Variants in ESRRG observed in about 807,000 individuals in gnomAD.
The protein encoded by ESRRG is estrogen-related receptor gamma.
A neutral mutation model predicts 44.0 loss-of-function variants in ESRRG; 13 were observed. The observed-to-expected ratio is 0.30, with a 90% CI of 0.19 to 0.47. The LOEUF is 0.47. Ranked by LOEUF, ESRRG falls within the 20% of genes least tolerant of loss-of-function variation. The pLI is 1.00. For synonymous variants in ESRRG, 215 were observed against 214.6 expected (o/e 1.00, Z -0.02); for missense variants, 395 against 580.6 (o/e 0.68, Z 3.29).
intron 2 of ESRRG, among the ~76,000 whole-genome samples, chr1:216,778,740 C>T (rs1406757909): frequency 1.3e-5 from 2 of 151,984 alleles, no homozygotes; most frequent in Non-Finnish European, 2.9e-5. Flanking sequence ...GTAAGCCTTC[C>T]TCTACTTTTG....
intron 2 of ESRRG, among the ~76,000 whole-genome samples, chr1:216,845,905 C>T (rs1161568053): frequency 1.3e-5 from 2 of 152,142 alleles, no homozygotes; most frequent in East Asian, 1.9e-4. Context: ...CTCCACTCCT[C>T]TTTGAGAGGA....
chr1:216,799,822 C>A (rs1252846545), intron 2 of ESRRG, among the ~76,000 whole-genome samples: 2 of 152,082 alleles, frequency 1.3e-5, no homozygotes, highest in Admixed American at 6.6e-5. Context: ...CAGGCACTTC[C>A]ACGGGACTGG....
chr1:217,038,396 A>G (rs1403265468), intron 1 of ESRRG, among the ~76,000 whole-genome samples: 1 of 152,188 alleles, frequency 6.6e-6, no homozygotes, highest in Non-Finnish European at 1.5e-5. Flanking sequence ...CTGTGACTCT[A>G]TCTTGAATTC....
chr1:217,081,216 AT>A (rs1392692072), intron 1 of ESRRG, among the ~76,000 whole-genome samples: 4 of 67,062 alleles, frequency 6.0e-5, no homozygotes, highest in African/African-American at 2.3e-4. Flanking sequence ...ATAGATAAAA[AT>A]ATTCTTTTTT....
intron 2 of ESRRG, among the ~76,000 whole-genome samples, chr1:216,672,900 A>C (rs2075454144): frequency 6.6e-6 from 1 of 152,148 alleles, no homozygotes; most frequent in Non-Finnish European, 1.5e-5. Context: ...AAAAGGAAAG[A>C]TCTTAACAGA....
chr1:216,945,805 A>G (rs977617477), intron 1 of ESRRG, among the ~76,000 whole-genome samples: 5 of 152,240 alleles, frequency 3.3e-5, no homozygotes, highest in African/African-American at 1.2e-4. Context: ...ATTTCAGTCC[A>G]GTGAATGAAA....
intron 3 of ESRRG, among the ~76,000 whole-genome samples, chr1:216,582,230 T>C (rs2062919537): frequency 1.3e-5 from 2 of 152,254 alleles, no homozygotes; most frequent in South Asian, 4.1e-4. Context: ...CACCCACACA[T>C]CCAGACCTAG....
At chr1:216,829,034 G>A (rs2095442933) in intron 2 of ESRRG, among the ~76,000 whole-genome samples, 1 of 152,190 alleles carries the variant, frequency 6.6e-6, no homozygotes, top group Admixed American at 6.5e-5. Flanking sequence ...AAGGACATAT[G>A]TATGTCTTTA....
chr1:217,054,823 A>G (rs78463119), intron 1 of ESRRG, among the ~76,000 whole-genome samples: 9,302 of 152,178 alleles, frequency 0.061, 315 homozygotes, highest in African/African-American at 0.082. Context: ...GCTTCAAAGG[A>G]AGCTACGGTC....
intron 3 of ESRRG, among the ~76,000 whole-genome samples, chr1:216,580,283 T>C (rs1395177541): frequency 2.0e-5 from 3 of 152,232 alleles, no homozygotes; most frequent in Admixed American, 2.0e-4. Flanking sequence ...ATGAACCTCT[T>C]GTCAATTTTT....
chr1:216,518,069 G>C (rs768999209), intron 6 of ESRRG, among the ~76,000 whole-genome samples: 1 of 152,060 alleles, frequency 6.6e-6, no homozygotes, highest in Non-Finnish European at 1.5e-5. Context: ...GGGCAATTTG[G>C]GCAGAAGGTC....
intron 3 of ESRRG, among the ~76,000 whole-genome samples, chr1:216,590,317 A>G (rs530877417): frequency 6.6e-6 from 1 of 152,318 alleles, no homozygotes; most frequent in East Asian, 1.9e-4. Flanking sequence ...GAACTGGATT[A>G]GTTTTGGTAT....
rs6694820 is a variant in ESRRG, at chr1:216,939,122, T to C, written c.-14+460A>G. The stretch of plus-strand genomic sequence containing the variant: ...GTAGAATTAGAAAGAGAAGGATCCC[T>C]ATCTTAAACGCAGGACAAGACGTAA... On this transcript the variant is annotated intron_variant, in intron 2 of 7. Coordinates refer to the ESRRG transcript ENST00000359162. Among the ~76,000 whole-genome samples, 388 of 152,182 alleles carry C rather than the reference T, an allele frequency of 2.5e-3. 3 individuals carry two copies. The highest frequency in any genetic ancestry group is 8.8e-3 in the African/African-American group (366 of 41,538).
chr1:217,080,411 G>A (rs2091649384), intron 1 of ESRRG, among the ~76,000 whole-genome samples: 1 of 151,994 alleles, frequency 6.6e-6, no homozygotes, highest in African/African-American at 2.4e-5. Context: ...TGCTCATGCT[G>A]TCTATGTCAT....
At chr1:216,976,553 C>A (rs1401207148) in intron 1 of ESRRG, among the ~76,000 whole-genome samples, 2 of 152,108 alleles carry the variant, frequency 1.3e-5, no homozygotes, top group Non-Finnish European at 2.9e-5. Context: ...ATTTACCTGG[C>A]AATATCTTTT....
intron 1 of ESRRG, among the ~76,000 whole-genome samples, chr1:216,945,820 A>G (rs1426403189): frequency 6.6e-6 from 1 of 152,226 alleles, no homozygotes; most frequent in Non-Finnish European, 1.5e-5. Context: ...ATGAAATTCA[A>G]TTAGTGGGCT....
At chr1:216,645,034 A>G (rs948873542) in intron 3 of ESRRG, among the ~76,000 whole-genome samples, 2 of 152,198 alleles carry the variant, frequency 1.3e-5, no homozygotes. Flanking sequence ...ACTTCAATAT[A>G]TTGACAAGAG....
intron 1 of ESRRG, among the ~76,000 whole-genome samples, chr1:216,696,324 A>G (rs2080151652): frequency 6.6e-6 from 1 of 152,196 alleles, no homozygotes. Flanking sequence ...ATTTTATAGC[A>G]GCCAACTTAA....
intron 1 of ESRRG, among the ~76,000 whole-genome samples, chr1:217,006,848 T>A (rs865925102): frequency 2.6e-5 from 4 of 152,210 alleles, no homozygotes; most frequent in African/African-American, 9.6e-5. Flanking sequence ...CATTTTGGAT[T>A]TGGGATTTTC....
Sources: gnomAD v4.1 joint callset for allele counts (sites outside exome capture counted in the v4.1 genomes callset) on GRCh38, gnomAD v4.1.1 for gene constraint, MANE v1.5 for transcripts, NCBI Gene and HGNC (gene_info 2026-07-23, HGNC 2026-07-21) for gene names.